The following KCNQ1 variants were observed in gnomAD, a reference collection of about 807,000 sequenced individuals.
KCNQ1 encodes the protein potassium voltage-gated channel subfamily KQT member 1.
A neutral mutation model predicts 72.4 loss-of-function variants in KCNQ1; 49 were observed. The ratio of observed to expected loss-of-function variants is 0.68; its 90% CI spans 0.54 to 0.86. The LOEUF (loss-of-function observed/expected upper bound fraction) is 0.86, where lower values mean the gene tolerates loss of function less well. Among genes scored for constraint, KCNQ1 ranks in the 40% least tolerant of loss-of-function variants. KCNQ1 has a pLI of 0.00. For missense variants in KCNQ1, 790 were observed against 945.1 expected (o/e 0.84, Z 2.15); for synonymous variants, 450 against 412.6 (o/e 1.09, Z -1.10).
chr11:2,847,829 G>C lies in KCNQ1; in HGVS notation c.1857G>C (p.Leu619Phe). Residue 619 changes from leucine to phenylalanine, a missense_variant, in exon 16 of 16, where the codon TTG becomes TTC. Leu to Phe is a conservative substitution (Grantham distance 22, BLOSUM62 0). Transcript: ENST00000155840. ...ITDMLHQLLS[L>F]HGGSTPGSGG... ...ACATGCTTCACCAGCTGCTCTCCTTGCACGGTGGCAGCACCCCCGGCAGCG... is the reference window on the plus strand; with the variant it reads ...ACATGCTTCACCAGCTGCTCTCCTTCCACGGTGGCAGCACCCCCGGCAGCG... The C allele has an allele frequency of 6.4e-7, 1 of 1,568,192 alleles. No homozygotes were observed. Among genetic ancestry groups the C allele is most frequent in the Non-Finnish European group, 8.6e-7 (1 of 1,156,180 alleles).
chr11:2,681,434 G>A (rs1850395230), intron 11 of KCNQ1: 1 of 398,418 alleles, frequency 2.5e-6, no homozygotes, highest in African/African-American at 2.1e-5. Flanking sequence ...ACAGCTCTAG[G>A]GGATTTTGGG....
intron 2 of KCNQ1, among the ~76,000 whole-genome samples, chr11:2,540,140 C>T (rs1306892320): frequency 5.3e-5 from 8 of 152,008 alleles, no homozygotes; most frequent in Non-Finnish European, 8.8e-5. Context: ...GGGGTCCACC[C>T]GCTGTGTCCC....
In KCNQ1 at chr11:2,673,279, C is replaced by G. The variant is rs553305164; in HGVS notation, c.1514+11198C>G. On this transcript the variant is annotated intron_variant, in intron 11 of 15. Coordinates refer to ENST00000155840, the MANE Select transcript of KCNQ1 (RefSeq NM_000218.3). The surrounding 1 kb of genome is among the most constrained non-coding windows in gnomAD (Gnocchi z 4.5). The stretch of plus-strand genomic sequence containing the variant: ...ACTGCAAAGCCTCAGCCACCTTCTC[C>G]CCTAGAAGAAATCTTGAGAGAAACA... 1 of 398,734 alleles carries G rather than the reference C, an allele frequency of 2.5e-6. No individual in the cohort carries two copies. Among genetic ancestry groups the G allele is most frequent in the African/African-American group, 2.1e-5 (1 of 48,758 alleles). 24.7% of individuals were successfully genotyped at this position (398,734 alleles called of 1,614,324 possible).
chr11:2,449,479 G>A (rs1048909240), intron 1 of KCNQ1, among the ~76,000 whole-genome samples: 16 of 152,334 alleles, frequency 1.1e-4, no homozygotes, highest in Admixed American at 3.9e-4. Flanking sequence ...CTTTTGGGCC[G>A]GCCAGTGCGG....
chr11:2,619,422 G>A, intron 10 of KCNQ1: 1 of 398,526 alleles, frequency 2.5e-6, no homozygotes, highest in Non-Finnish European at 4.4e-6. Context: ...TGTGTCAATT[G>A]AGATGATCAT....
chr11:2,802,431 G>C (rs1418242703), intron 15 of KCNQ1, among the ~76,000 whole-genome samples: 2 of 152,204 alleles, frequency 1.3e-5, no homozygotes, highest in East Asian at 1.9e-4. Flanking sequence ...CCATCCTCGG[G>C]CGCAGGCAGC....
At chr11:2,578,855 T>C (rs980307556) in intron 6 of KCNQ1, among the ~76,000 whole-genome samples, 2 of 152,234 alleles carry the variant, frequency 1.3e-5, no homozygotes, top group African/African-American at 4.8e-5. Context: ...GCGGGGAACG[T>C]GGGTCCTGCA....
At chr11:2,741,364 C>A (rs1206356767) in intron 11 of KCNQ1, among the ~76,000 whole-genome samples, 1 of 152,178 alleles carries the variant, frequency 6.6e-6, no homozygotes, top group African/African-American at 2.4e-5. Flanking sequence ...GGCATTGGGG[C>A]CCTGGAGATA....
In KCNQ1 at chr11:2,515,221, T is replaced by G. The variant is rs1480323597; in HGVS notation, c.387-12707T>G. ...AGTCCCAGAGTGACCTTTCTCCGTC[T>G]TTCTGTCCAAGCATCCCATCTGTCT... On this transcript the variant is annotated intron_variant, in intron 1 of 15. Transcript: ENST00000155840. This position sits in a 1 kb window ranked among gnomAD's most constrained non-coding sequence, Gnocchi z 4.7. Among the ~76,000 whole-genome samples the G allele has an allele frequency of 6.6e-6, 1 of 152,202 alleles. No individual in the cohort carries two copies. The highest frequency in any genetic ancestry group is 6.5e-5 in the Admixed American group (1 of 15,292).
intron 11 of KCNQ1, among the ~76,000 whole-genome samples, chr11:2,714,861 G>A (rs994446765): frequency 6.6e-6 from 1 of 152,026 alleles, no homozygotes; most frequent in African/African-American, 2.4e-5. Context: ...AGAAAGAATG[G>A]AGGTCCTGGG....
chr11:2,736,625 C>A (rs75636381), intron 11 of KCNQ1, among the ~76,000 whole-genome samples: 4 of 152,306 alleles, frequency 2.6e-5, no homozygotes, highest in Non-Finnish European at 4.4e-5. Context: ...TCCCACCCCC[C>A]AGTTACACAG....
intron 11 of KCNQ1, among the ~76,000 whole-genome samples, chr11:2,757,094 G>A (rs1012393836): frequency 6.6e-6 from 1 of 151,728 alleles, no homozygotes; most frequent in Non-Finnish European, 1.5e-5. Flanking sequence ...ATATAGTACT[G>A]GAAGTTCCAG....
intron 1 of KCNQ1, among the ~76,000 whole-genome samples, chr11:2,496,128 G>A (rs1353338318): frequency 6.6e-6 from 1 of 152,040 alleles, no homozygotes; most frequent in Non-Finnish European, 1.5e-5. Flanking sequence ...TTAGTTTGAA[G>A]TCTGTTTTAT....
At chr11:2,684,983 G>A in intron 11 of KCNQ1, 2 of 398,660 alleles carry the variant, frequency 5.0e-6, no homozygotes, top group Non-Finnish European at 8.8e-6. Flanking sequence ...CAATTTTACG[G>A]ACTGGTTGCT....
chr11:2,843,568 G>T (rs1304436601), intron 15 of KCNQ1, among the ~76,000 whole-genome samples: 2 of 152,258 alleles, frequency 1.3e-5, no homozygotes, highest in African/African-American at 2.4e-5. Flanking sequence ...CAGCGGGTGT[G>T]CCCGGCCTCT....
chr11:2,462,137 G>A lies in KCNQ1; in HGVS notation c.386+16653G>A, dbSNP rs1846288398. On this transcript the variant is annotated intron_variant, in intron 1 of 15. Transcript: ENST00000155840. This position sits in a 1 kb window ranked among gnomAD's most constrained non-coding sequence, Gnocchi z 8.2. Reference sequence around the variant, plus strand: ...GGGCTGAGGGGGCGTTGCTGTGGGTGTATCTCATGGAGAGCCCCAAGGAGC... The same window carrying A: ...GGGCTGAGGGGGCGTTGCTGTGGGTATATCTCATGGAGAGCCCCAAGGAGC... 6.6e-6 allele frequency among the ~76,000 whole-genome samples: 1 copy of A among 152,156 alleles called. No homozygotes were observed. Among genetic ancestry groups the A allele is most frequent in the Non-Finnish European group, 1.5e-5 (1 of 68,034 alleles).
chr11:2,798,153 C>A (rs1431804584), intron 15 of KCNQ1, among the ~76,000 whole-genome samples: 1 of 152,130 alleles, frequency 6.6e-6, no homozygotes, highest in Non-Finnish European at 1.5e-5. Context: ...CAGGCCCAAG[C>A]AAGCCTGCAT....
chr11:2,699,865 C>T (rs1034146134), intron 11 of KCNQ1: 1 of 397,430 alleles, frequency 2.5e-6, no homozygotes, highest in Non-Finnish European at 4.4e-6. Context: ...CCGGGAGAAT[C>T]GTGCTGAGGA....
At position 2,657,871 on chromosome 11, in the gene KCNQ1, G is replaced by T. The variant is rs956657732; in HGVS notation, c.1394-4090G>T. On this transcript the variant is annotated intron_variant, in intron 10 of 15. Transcript: ENST00000155840. The surrounding 1 kb of genome is among the most constrained non-coding windows in gnomAD (Gnocchi z 4.8). ...GACCAGGGTTATAGGTTTAGGGGAA[G>T]GAGGCCAGTGAGGTGAGATGCTTTC... 1.5e-5 allele frequency: 6 copies of T among 398,520 alleles called. No homozygotes were observed. The highest frequency in any genetic ancestry group is 2.2e-5 in the Non-Finnish European group (5 of 226,070). The allele number at this position is 398,520 out of a possible 1,614,324, so 24.7% of individuals were successfully genotyped here.
Sources: allele counts gnomAD v4.1 joint callset (sites outside exome capture counted in the v4.1 genomes callset), GRCh38; gene constraint gnomAD v4.1.1; non-coding constraint Gnocchi (gnomAD v3.1); transcripts MANE v1.5; gene names NCBI Gene and HGNC (gene_info 2026-07-23, HGNC 2026-07-21).